Variants in HYCC1 observed in about 807,000 individuals in gnomAD.
HYCC1 encodes the protein hyccin PI4KA lipid kinase complex subunit 1, also known as hyccin.
the HYCC1 span, among the ~76,000 whole-genome samples, chr7:23,004,183 C>T: frequency 6.6e-6 from 1 of 152,272 alleles, no homozygotes; most frequent in Non-Finnish European, 1.5e-5. Context: ...CTAAAATTAG[C>T]AGAGCAAAAA....
chr7:22,983,939 C>A, the HYCC1 span: 1 of 1,514,652 alleles, frequency 6.6e-7, no homozygotes, highest in Non-Finnish European at 9.2e-7. Flanking sequence ...CATAAAAGTA[C>A]TTACCTCACT....
the HYCC1 span, among the ~76,000 whole-genome samples, chr7:22,994,244 C>A: frequency 6.6e-6 from 1 of 152,142 alleles, no homozygotes; most frequent in Non-Finnish European, 1.5e-5. Flanking sequence ...ATCTGAAATT[C>A]TATACAACAA....
chr7:22,953,643 AAT>A, the HYCC1 span, among the ~76,000 whole-genome samples: 1 of 151,840 alleles, frequency 6.6e-6, no homozygotes, highest in Non-Finnish European at 1.5e-5. Flanking sequence ...CTCTTTGGTT[AAT>A]ATGTCTTTTT....
chr7:22,946,963 G>C, the HYCC1 span: 1 of 1,547,780 alleles, frequency 6.5e-7, no homozygotes, highest in Non-Finnish European at 8.7e-7. Context: ...TTGGAGTGCA[G>C]TTATAAAGTG....
chr7:22,946,473 G>A, the HYCC1 span, among the ~76,000 whole-genome samples: 2 of 151,886 alleles, frequency 1.3e-5, no homozygotes, highest in African/African-American at 2.4e-5. Context: ...GAAATATCAC[G>A]CAGTAAAACT....
At chr7:22,898,897 G>A in the HYCC1 span, among the ~76,000 whole-genome samples, 19 of 152,246 alleles carry the variant, frequency 1.2e-4, no homozygotes, top group Admixed American at 7.2e-4. Context: ...CACCCCGCCC[G>A]GCTGGTCCGA....
At chr7:22,929,173 C>A in the HYCC1 span, among the ~76,000 whole-genome samples, 1 of 152,162 alleles carries the variant, frequency 6.6e-6, no homozygotes, top group African/African-American at 2.4e-5. Flanking sequence ...TTCCTTACAC[C>A]TTATACAAAA....
chr7:22,919,312 T>C, the HYCC1 span, among the ~76,000 whole-genome samples: 1 of 152,234 alleles, frequency 6.6e-6, no homozygotes, highest in African/African-American at 2.4e-5. Flanking sequence ...GGGGATCACC[T>C]GAAGTTGAGC....
chr7:22,984,032 G>T, the HYCC1 span: 1 of 1,590,682 alleles, frequency 6.3e-7, no homozygotes, highest in Admixed American at 1.7e-5. Flanking sequence ...TGGTAAAGAT[G>T]TTTCTGGTAA....
the HYCC1 span, among the ~76,000 whole-genome samples, chr7:22,915,212 C>T: frequency 6.6e-6 from 1 of 152,296 alleles, no homozygotes; most frequent in African/African-American, 2.4e-5. Flanking sequence ...CCTCAAACCC[C>T]ACAACAGGAC....
At chr7:22,966,707 A>T in the HYCC1 span, among the ~76,000 whole-genome samples, 1 of 152,220 alleles carries the variant, frequency 6.6e-6, no homozygotes, top group Non-Finnish European at 1.5e-5. Context: ...CAATGAATCT[A>T]AGCCTTCACT....
chr7:22,931,074 G>C, the HYCC1 span, among the ~76,000 whole-genome samples: 1 of 151,952 alleles, frequency 6.6e-6, no homozygotes, highest in African/African-American at 2.4e-5. Flanking sequence ...ATCTTACCTG[G>C]AAATAGTGTC....
At chr7:22,932,378 C>A in the HYCC1 span, among the ~76,000 whole-genome samples, 1 of 152,124 alleles carries the variant, frequency 6.6e-6, no homozygotes, top group Non-Finnish European at 1.5e-5. Flanking sequence ...AGATGGAGCA[C>A]CAAGTCACAG....
the HYCC1 span, among the ~76,000 whole-genome samples, chr7:22,977,729 T>C: frequency 1.3e-5 from 2 of 152,180 alleles, no homozygotes; most frequent in Non-Finnish European, 2.9e-5. Context: ...ATCATTTAAA[T>C]ATGAAATATG....
At chr7:22,990,706 T>C in the HYCC1 span, among the ~76,000 whole-genome samples, 1 of 152,242 alleles carries the variant, frequency 6.6e-6, no homozygotes, top group African/African-American at 2.4e-5. Context: ...CTCCTCATTG[T>C]TGGTCACCCC....
chr7:22,987,267 A>G, the HYCC1 span, among the ~76,000 whole-genome samples: 1 of 152,142 alleles, frequency 6.6e-6, no homozygotes. Context: ...AGAAAATAGG[A>G]CAAGCGCGGT....
At chr7:22,988,824 A>C in the HYCC1 span, among the ~76,000 whole-genome samples, 1 of 152,168 alleles carries the variant, frequency 6.6e-6, no homozygotes, top group South Asian at 2.1e-4. Context: ...CAATGTAACC[A>C]ATCTACCAAT....
the HYCC1 span, chr7:22,944,497 C>T: frequency 6.6e-6 from 1 of 152,066 alleles, no homozygotes; most frequent in African/African-American, 2.4e-5. Context: ...ACAAGAAAGA[C>T]ATTTCTTTTT....
chr7:22,896,118 C>T, the HYCC1 span, among the ~76,000 whole-genome samples: 1 of 152,104 alleles, frequency 6.6e-6, no homozygotes, highest in African/African-American at 2.4e-5. Context: ...CTTGCTTCCC[C>T]CTAGCCAAAA....
Sources: gnomAD v4.1 joint callset for allele counts (sites outside exome capture counted in the v4.1 genomes callset) on GRCh38, gnomAD v4.1.1 for gene constraint, MANE v1.5 for transcripts, NCBI Gene and HGNC (gene_info 2026-07-23, HGNC 2026-07-21) for gene names.